CRY1: variants seen among roughly 807,000 people sequenced by gnomAD.
CRY1 encodes cryptochrome circadian regulator 1.
In CRY1, 45 loss-of-function variants were observed where a neutral mutation model predicts 76.0. That is an observed-to-expected ratio of 0.59 (90% CI 0.47 to 0.76). The LOEUF (loss-of-function observed/expected upper bound fraction) is 0.76, where lower values mean the gene tolerates loss of function less well. CRY1 is among the 30% of genes least tolerant of loss of function. The pLI is 0.00. For missense variants in CRY1, 587 were observed against 716.4 expected, an observed-to-expected ratio of 0.82 and a Z score of 2.06; for synonymous variants, 248 against 244.0, an observed-to-expected ratio of 1.02 and a Z score of -0.15.
intron 2 of CRY1, among the ~76,000 whole-genome samples, chr12:107,009,502 G>A (rs1391677112): frequency 1.3e-5 from 2 of 148,160 alleles, no homozygotes; most frequent in Admixed American, 6.8e-5. Context: ...TTGTACCACT[G>A]CACTCCAGCC....
In CRY1 at chr12:107,001,331, T is replaced by C. The variant is rs759608414; in HGVS notation, c.633A>G (p.Pro211=). Reference sequence around the variant, plus strand: ...GAGTAAGTGCTTCAGTTTCTCCACCTGGCCACACTGCAGAGGATAAGCCAT... The same window carrying C: ...GAGTAAGTGCTTCAGTTTCTCCACCCGGCCACACTGCAGAGGATAAGCCAT... The part of the protein sequence containing the change: ...DTDGLSSAVW[P]GGETEALTRL... The change falls in exon 5 of 13, where the codon CCA becomes CCG. Residue 211 remains proline, a synonymous_variant. Coordinates refer to ENST00000008527, the MANE Select transcript of CRY1 (RefSeq NM_004075.5). The C allele has an allele frequency of 5.0e-6, 8 of 1,613,786 alleles. No homozygotes were observed. In the South Asian group the frequency reaches 8.8e-5, roughly 18 times the overall value.
At chr12:107,023,727 G>A (rs1233497021) in intron 1 of CRY1, among the ~76,000 whole-genome samples, 1 of 152,114 alleles carries the variant, frequency 6.6e-6, no homozygotes, top group African/African-American at 2.4e-5. Flanking sequence ...TTCCAAGTAG[G>A]AAGCAAACCT....
At chr12:107,017,240 T>C (rs530867331) in intron 2 of CRY1, among the ~76,000 whole-genome samples, 6 of 152,382 alleles carry the variant, frequency 3.9e-5, no homozygotes, top group African/African-American at 1.4e-4. Flanking sequence ...TTTCTTCTTT[T>C]CACTCACTGT....
intron 1 of CRY1, among the ~76,000 whole-genome samples, chr12:107,044,484 T>C (rs1189615816): frequency 6.6e-6 from 1 of 152,156 alleles, no homozygotes; most frequent in East Asian, 1.9e-4. Context: ...CACCATACCC[T>C]TTCCAAATGG....
At chr12:107,020,201 A>AC (rs397939729) in intron 2 of CRY1, among the ~76,000 whole-genome samples, 3 of 151,360 alleles carry the variant, frequency 2.0e-5, no homozygotes, top group South Asian at 2.1e-4. Context: ...AAAAAAAAAA[A>AC]GGCTAAGTAA....
intron 1 of CRY1, among the ~76,000 whole-genome samples, chr12:107,055,500 T>C (rs1952971842): frequency 6.6e-6 from 1 of 152,040 alleles, no homozygotes; most frequent in Non-Finnish European, 1.5e-5. Flanking sequence ...TTAAATTGAA[T>C]AGGCTAAATA....
intron 1 of CRY1, among the ~76,000 whole-genome samples, chr12:107,063,302 G>T (rs1038006412): frequency 2.6e-5 from 4 of 152,140 alleles, no homozygotes; most frequent in Non-Finnish European, 5.9e-5. Context: ...GAGAGGATAC[G>T]CTATTAATTA....
rs939443025 is a variant in CRY1, at chr12:107,085,039, A to C, written c.158+7765T>G. The stretch of plus-strand genomic sequence containing the variant: ...AACAGACACTTCTCAAAAGACATTT[A>C]TGTGGCCAAAAAACATGAAAAAAAA... On this transcript the variant is annotated intron_variant, in intron 1 of 12. Transcript: ENST00000008527. Among the ~76,000 whole-genome samples the C allele has an allele frequency of 4.6e-5, 7 of 152,132 alleles. No homozygotes were observed. The South Asian group carries it at 6.2e-4, about 13-fold the overall frequency.
intron 1 of CRY1, among the ~76,000 whole-genome samples, chr12:107,076,815 T>C (rs1565845228): frequency 6.6e-6 from 1 of 152,098 alleles, no homozygotes; most frequent in African/African-American, 2.4e-5. Context: ...TCATCCCTTT[T>C]GGTACATCTT....
intron 1 of CRY1, among the ~76,000 whole-genome samples, chr12:107,090,237 T>C (rs1187257010): frequency 1.3e-5 from 2 of 152,080 alleles, no homozygotes; most frequent in African/African-American, 4.8e-5. Flanking sequence ...ATTACAGGCA[T>C]GTGCCATACG....
intron 1 of CRY1, among the ~76,000 whole-genome samples, chr12:107,073,556 G>T (rs1462762250): frequency 6.6e-6 from 1 of 152,010 alleles, no homozygotes; most frequent in Admixed American, 6.6e-5. Context: ...GTAAAATCCT[G>T]TATCTACTAA....
At position 106,997,664 on chromosome 12, in the gene CRY1, A is replaced by C; in HGVS notation, c.1316T>G (p.Phe439Cys). The change falls in exon 9 of 13, where the codon TTC becomes TGC. Residue 439 changes from phenylalanine (F) to cysteine (C), a missense_variant. Physicochemically the swap from Phe to Cys is radical, Grantham distance 205. Transcript: ENST00000008527. ...IRRYLPVLRG[F>C]PAKYIYDPWN... The stretch of plus-strand genomic sequence containing the variant: ...GGGATCATAGATATATTTTGCAGGG[A>C]AGCCTCTTAGGACAGGCAAATAACG... 5.6e-6 allele frequency: 9 copies of C among 1,614,118 alleles called. No homozygotes were observed. Among genetic ancestry groups the C allele is most frequent in the Non-Finnish European group, 7.6e-6 (9 of 1,179,978 alleles).
intron 1 of CRY1, among the ~76,000 whole-genome samples, chr12:107,023,714 G>C (rs1952580938): frequency 6.6e-6 from 1 of 152,088 alleles, no homozygotes; most frequent in Non-Finnish European, 1.5e-5. Context: ...AAGTCTCATG[G>C]GTTTCCAAGT....
At chr12:107,084,898 G>A (rs1953377275) in intron 1 of CRY1, among the ~76,000 whole-genome samples, 1 of 151,722 alleles carries the variant, frequency 6.6e-6, no homozygotes, top group African/African-American at 2.4e-5. Flanking sequence ...CTATAGAATG[G>A]GAGAAAATTT....
intron 1 of CRY1, among the ~76,000 whole-genome samples, chr12:107,024,589 C>G (rs1296546022): frequency 1.3e-5 from 2 of 152,118 alleles, no homozygotes; most frequent in African/African-American, 4.8e-5. Context: ...GTTGCCCAGG[C>G]TGGTCTCGAA....
intron 1 of CRY1, among the ~76,000 whole-genome samples, chr12:107,079,658 C>G (rs1432049558): frequency 6.6e-6 from 1 of 152,112 alleles, no homozygotes; most frequent in Non-Finnish European, 1.5e-5. Context: ...GCTATTCTTT[C>G]AGTCTGGAAT....
At chr12:107,035,012 A>G (rs1952718128) in intron 1 of CRY1, among the ~76,000 whole-genome samples, 1 of 152,308 alleles carries the variant, frequency 6.6e-6, no homozygotes, top group Non-Finnish European at 1.5e-5. Context: ...TAGGCCAAAT[A>G]AAGTATAAGA....
rs1953488929 is a variant in CRY1 at position 107,092,831 on chromosome 12, G to A, written c.131C>T (p.Ser44Phe). ...VYILDPWFAG[S>F]SNVGINRWRF... ...CCACCTGTTGATGCCCACATTGGAG[G>A]AGCCGGCGAACCAGGGGTCCAGGAT... is the stretch of plus-strand genomic sequence containing the variant. The change falls in exon 1 of 13, where the codon TCC becomes TTC. Residue 44 changes from serine to phenylalanine, a missense_variant. Ser to Phe is a radical substitution (Grantham distance 155). Coordinates refer to ENST00000008527, the MANE Select transcript of CRY1 (RefSeq NM_004075.5). The A allele has an allele frequency of 6.2e-7, 1 of 1,611,710 alleles. No homozygotes were observed. The highest frequency in any genetic ancestry group is 1.3e-5 in the African/African-American group (1 of 74,978).
chr12:107,081,266 G>C (rs542307871), intron 1 of CRY1, among the ~76,000 whole-genome samples: 6 of 151,936 alleles, frequency 3.9e-5, no homozygotes, highest in Non-Finnish European at 8.8e-5. Flanking sequence ...TTTAAGTTAT[G>C]AGTTTAAGAT....
Sources: allele counts gnomAD v4.1 joint callset (sites outside exome capture counted in the v4.1 genomes callset), GRCh38; gene constraint gnomAD v4.1.1; transcripts MANE v1.5; gene names NCBI Gene and HGNC (gene_info 2026-07-23, HGNC 2026-07-21).